KLF12: variants seen among roughly 807,000 people sequenced by gnomAD.
KLF12 encodes the protein Krueppel-like factor 12.
In KLF12, 9 loss-of-function variants were observed where a neutral mutation model predicts 37.8. The observed-to-expected ratio is 0.24, with a 90% CI of 0.14 to 0.42. The LOEUF (loss-of-function observed/expected upper bound fraction) is 0.42. KLF12 is among the 10% of genes least tolerant of loss of function. The pLI is 1.00. For missense variants in KLF12, 411 were observed against 516.0 expected, an observed-to-expected ratio of 0.80 and a Z score of 1.97; for synonymous variants, 208 against 202.1, an observed-to-expected ratio of 1.03 and a Z score of -0.25.
chr13:74,246,072 C>T, the KLF12 span, among the ~76,000 whole-genome samples: 11 of 152,302 alleles, frequency 7.2e-5, no homozygotes, highest in East Asian at 3.9e-4. Flanking sequence ...GGCTTTGACA[C>T]GACACCCAAG....
chr13:73,733,870 CGCT>C (rs893770548), intron 6 of KLF12, among the ~76,000 whole-genome samples: 5 of 152,114 alleles, frequency 3.3e-5, no homozygotes, highest in African/African-American at 1.2e-4. Flanking sequence ...GTGAAGTGGT[CGCT>C]CACAGTCTTC....
At chr13:74,183,256 C>A in the KLF12 span, among the ~76,000 whole-genome samples, 1 of 152,104 alleles carries the variant, frequency 6.6e-6, no homozygotes, top group African/African-American at 2.4e-5. Flanking sequence ...AGGAACCAGA[C>A]ACAATGCAAA....
chr13:74,187,459 G>A, the KLF12 span, among the ~76,000 whole-genome samples: 1 of 152,118 alleles, frequency 6.6e-6, no homozygotes. Flanking sequence ...TATCCCAGAA[G>A]GTTTCTGTGA....
At chr13:73,804,282 T>A (rs1882446633) in intron 5 of KLF12, among the ~76,000 whole-genome samples, 1 of 152,162 alleles carries the variant, frequency 6.6e-6, no homozygotes, top group Admixed American at 6.5e-5. Context: ...CTCCTCAGGG[T>A]CAGAACTATG....
At position 73,687,906 on chromosome 13, in the gene KLF12, C is replaced by T. The variant is rs1365298310; in HGVS notation, c.*7584G>A. On this transcript the variant is annotated 3_prime_UTR_variant, in exon 8 of 8. Coordinates refer to ENST00000377669, the MANE Select transcript of KLF12 (RefSeq NM_007249.5). ...AGGCGACTGTTTCCACTATTGATCT[C>T]TTTTCAACTCACTTCAAGTTGTGGT... 1 of 152,168 alleles carries T rather than the reference C, an allele frequency of 6.6e-6. No homozygotes were observed. Among genetic ancestry groups the T allele is most frequent in the Non-Finnish European group, 1.5e-5 (1 of 68,030 alleles). 9.4% of individuals were successfully genotyped at this position (152,168 alleles called of 1,614,324 possible). A position where few individuals can be genotyped will look rare whatever the true frequency, so the allele number is the denominator to read the frequency against.
chr13:73,869,083 A>T (rs1886338734), intron 3 of KLF12, among the ~76,000 whole-genome samples: 1 of 152,174 alleles, frequency 6.6e-6, no homozygotes, highest in Non-Finnish European at 1.5e-5. Context: ...AAAAATTTGC[A>T]AACTGTACTT....
At chr13:74,178,068 G>A in the KLF12 span, among the ~76,000 whole-genome samples, 6,134 of 152,190 alleles carry the variant, frequency 0.04, 393 homozygotes, top group African/African-American at 0.14. Flanking sequence ...AGCATTCTAC[G>A]GTGTCACCAA....
chr13:74,168,603 G>A, the KLF12 span, among the ~76,000 whole-genome samples: 3 of 152,184 alleles, frequency 2.0e-5, no homozygotes, highest in Admixed American at 6.5e-5. Flanking sequence ...GTTATATTCA[G>A]CAAACACAGT....
rs138140360 is a variant in KLF12, at chr13:73,864,599, A to C, written c.124-18226T>G. Among the ~76,000 whole-genome samples the C allele has an allele frequency of 7.7e-3, 1,173 of 152,258 alleles. 12 individuals are homozygous for C. Among genetic ancestry groups the C allele is most frequent in the African/African-American group, 0.026 (1,074 of 41,586 alleles). ...TCATTCACTGATCAGAGTAAGGAAAATATTATTGACTATAAATCCAAAATA... is the reference window on the plus strand; with the variant it reads ...TCATTCACTGATCAGAGTAAGGAAACTATTATTGACTATAAATCCAAAATA... On this transcript the variant is annotated intron_variant, in intron 3 of 7. Coordinates refer to ENST00000377669, the MANE Select transcript of KLF12 (RefSeq NM_007249.5).
intron 2 of KLF12, among the ~76,000 whole-genome samples, chr13:73,948,326 A>G (rs1175770335): frequency 6.6e-6 from 1 of 152,080 alleles, no homozygotes; most frequent in East Asian, 1.9e-4. Context: ...GGGTCAAGCA[A>G]TTCTTGTGCC....
chr13:74,198,275 G>T, the KLF12 span, among the ~76,000 whole-genome samples: 1 of 152,226 alleles, frequency 6.6e-6, no homozygotes, highest in South Asian at 2.1e-4. Context: ...GTGAAAGCAA[G>T]CATAGGTGGG....
At chr13:73,981,982 T>A (rs1319012468) in intron 2 of KLF12, among the ~76,000 whole-genome samples, 3 of 152,260 alleles carry the variant, frequency 2.0e-5, no homozygotes, top group African/African-American at 7.2e-5. Flanking sequence ...TCTACTTTTT[T>A]AAGTTAGGTT....
intron 2 of KLF12, among the ~76,000 whole-genome samples, chr13:73,945,803 A>C (rs1479404834): frequency 6.6e-6 from 1 of 152,204 alleles, no homozygotes; most frequent in Non-Finnish European, 1.5e-5. Flanking sequence ...ACTTTTTAAA[A>C]ATGTTTGCTT....
the KLF12 span, among the ~76,000 whole-genome samples, chr13:74,201,676 T>A: frequency 1.1e-4 from 17 of 152,236 alleles, no homozygotes; most frequent in African/African-American, 4.1e-4. Flanking sequence ...AATGCAGAGA[T>A]GTAATTCAGA....
At chr13:73,713,606 C>T (rs1367729786) in intron 7 of KLF12, among the ~76,000 whole-genome samples, 1 of 152,192 alleles carries the variant, frequency 6.6e-6, no homozygotes, top group African/African-American at 2.4e-5. Flanking sequence ...GTATTAATAG[C>T]CAAGCTAATC....
chr13:74,279,462 T>C, the KLF12 span, among the ~76,000 whole-genome samples: 1 of 152,162 alleles, frequency 6.6e-6, no homozygotes, highest in African/African-American at 2.4e-5. Context: ...ATTTTTTTTT[T>C]CTGCACAACA....
the KLF12 span, among the ~76,000 whole-genome samples, chr13:74,278,532 C>T: frequency 1.3e-5 from 2 of 152,182 alleles, no homozygotes; most frequent in East Asian, 3.8e-4. Flanking sequence ...AATCAAGGCA[C>T]CAGTCCACAG....
chr13:74,174,845 C>T, the KLF12 span, among the ~76,000 whole-genome samples: 35 of 152,260 alleles, frequency 2.3e-4, no homozygotes, highest in Admixed American at 1.7e-3. Flanking sequence ...GAATAAGGAA[C>T]CAAATCTATT....
chr13:74,143,093 C>G, the KLF12 span, among the ~76,000 whole-genome samples: 1 of 147,990 alleles, frequency 6.8e-6, no homozygotes, highest in Non-Finnish European at 1.5e-5. Context: ...TCCTCCTCTT[C>G]TTCTTGTTCT....
Sources: gnomAD v4.1 joint callset for allele counts (sites outside exome capture counted in the v4.1 genomes callset) on GRCh38, gnomAD v4.1.1 for gene constraint, MANE v1.5 for transcripts, NCBI Gene and HGNC (gene_info 2026-07-23, HGNC 2026-07-21) for gene names.